The following IQSEC1 variants were observed in gnomAD, a reference collection of about 807,000 sequenced individuals.
IQSEC1 encodes the protein IQ motif and SEC7 domain-containing protein 1.
In IQSEC1, 31 loss-of-function variants were observed where a neutral mutation model predicts 91.0. The ratio of observed to expected loss-of-function variants is 0.34; its 90% CI spans 0.26 to 0.46. The LOEUF is 0.46. Ranked by LOEUF, IQSEC1 falls within the 20% of genes least tolerant of loss-of-function variation. IQSEC1 has a pLI of 1.00. For synonymous variants in IQSEC1, 699 were observed against 662.6 expected (o/e 1.05, Z -0.84); for missense variants, 1,388 against 1,575.6 (o/e 0.88, Z 2.02).
intron 1 of IQSEC1, among the ~76,000 whole-genome samples, chr3:13,210,848 G>T (rs531499017): frequency 6.6e-6 from 1 of 152,176 alleles, no homozygotes; most frequent in Non-Finnish European, 1.5e-5. Context: ...GTAAACAAAC[G>T]CCATCCACAT....
At chr3:13,192,509 G>T (rs916989985) in intron 1 of IQSEC1, among the ~76,000 whole-genome samples, 12 of 152,198 alleles carry the variant, frequency 7.9e-5, no homozygotes, top group African/African-American at 2.9e-4. Flanking sequence ...GATGCAGGAA[G>T]ACAGCCCTGC....
At chr3:12,988,715 C>T (rs1479631400) in intron 1 of IQSEC1, among the ~76,000 whole-genome samples, 1 of 152,210 alleles carries the variant, frequency 6.6e-6, no homozygotes, top group Non-Finnish European at 1.5e-5. Flanking sequence ...GGGCAATGCT[C>T]AGTCTCTTGA....
At position 13,116,744 on chromosome 3, in the gene IQSEC1, C is replaced by T. The variant is rs144495693; in HGVS notation, c.302+47360G>A. On this transcript the variant is annotated intron_variant, in intron 2 of 15. Transcript: ENST00000648114. ...GGTGAAACCGTCTCTACTAAAAATA[C>T]AAAAATTAGCCAGGTGGTAGTGGCA... is the stretch of plus-strand genomic sequence containing the variant. Among the ~76,000 whole-genome samples, 1,035 of 152,050 alleles carry T rather than the reference C, an allele frequency of 6.8e-3. 18 individuals carry two copies. The highest frequency in any genetic ancestry group is 0.024 in the African/African-American group (993 of 41,460).
chr3:13,175,704 G>C lies in IQSEC1; in HGVS notation c.273-11571C>G, dbSNP rs59437959. 1.4e-3 allele frequency among the ~76,000 whole-genome samples: 216 copies of C among 152,336 alleles called. 1 individual carries two copies. Among genetic ancestry groups the C allele is most frequent in the African/African-American group, 5.1e-3 (212 of 41,580 alleles). On this transcript the variant is annotated intron_variant, in intron 1 of 15. Coordinates refer to the IQSEC1 transcript ENST00000648114. ...TTATTCCTCGACGTTTGAGAGGCTG[G>C]GTAGTCCAAGATGAAGGCTCCCCTA...
chr3:13,115,133 T>G (rs1706314109), intron 2 of IQSEC1, among the ~76,000 whole-genome samples: 1 of 152,110 alleles, frequency 6.6e-6, no homozygotes, highest in East Asian at 1.9e-4. Flanking sequence ...CACAGATGGG[T>G]TGTGAGCTGA....
At position 12,922,210 on chromosome 3, in the gene IQSEC1, A is replaced by G. The variant is rs1286060196; in HGVS notation, c.1763T>C (p.Met588Thr). The change falls in exon 5 of 14, where the codon ATG becomes ACG. Residue 588 changes from methionine to threonine, a missense_variant. Met to Thr is a moderately conservative substitution (Grantham distance 81). Transcript: ENST00000613206. The surrounding 1 kb of genome is among the most constrained non-coding windows in gnomAD (Gnocchi z 5.1). The stretch of plus-strand genomic sequence containing the variant: ...TTTCCTGAGGGCCTCATCCAGCTCC[A>G]TGGTAGAGAAGTCCATCTCGTCCAC... Reference protein sequence around the residue: ...CVVDEMDFSTMELDEALRKFQ... With the variant: ...CVVDEMDFSTTELDEALRKFQ... 6.2e-7 allele frequency: 1 copy of G among 1,606,424 alleles called. No homozygotes were observed.
intron 1 of IQSEC1, among the ~76,000 whole-genome samples, chr3:12,961,746 T>C (rs922108141): frequency 6.6e-6 from 1 of 152,224 alleles, no homozygotes; most frequent in South Asian, 2.1e-4. Context: ...AAGGATGCCA[T>C]GTTTCTGGTG....
intron 1 of IQSEC1, among the ~76,000 whole-genome samples, chr3:12,951,348 G>A (rs913718161): frequency 1.3e-5 from 2 of 152,156 alleles, no homozygotes; most frequent in African/African-American, 4.8e-5. Context: ...GCTTAAACCC[G>A]GGAGGCGGAG....
At position 13,207,479 on chromosome 3, in the gene IQSEC1, C is replaced by T. The variant is rs1431004640; in HGVS notation, c.273-43346G>A. Among the ~76,000 whole-genome samples, 1 of 152,142 alleles carries T rather than the reference C, an allele frequency of 6.6e-6. No individual in the cohort carries two copies. The highest frequency in any genetic ancestry group is 1.9e-4 in the East Asian group (1 of 5,182). ...TTCTAACTCTCCCCATGACACAACCCGCCAGAGCACTCTGGCAATGTCACC... is the reference window on the plus strand; with the variant it reads ...TTCTAACTCTCCCCATGACACAACCTGCCAGAGCACTCTGGCAATGTCACC... On this transcript the variant is annotated intron_variant, in intron 1 of 15. Coordinates refer to the IQSEC1 transcript ENST00000648114. The surrounding 1 kb of genome is among the most constrained non-coding windows in gnomAD (Gnocchi z 4.8).
chr3:13,037,562 C>G (rs1704081564), intron 1 of IQSEC1, among the ~76,000 whole-genome samples: 1 of 152,070 alleles, frequency 6.6e-6, no homozygotes, highest in South Asian at 2.1e-4. Context: ...ATCTGCACAC[C>G]CATGTTCATA....
intron 1 of IQSEC1, among the ~76,000 whole-genome samples, chr3:13,179,823 T>C (rs1693805187): frequency 6.6e-6 from 1 of 152,204 alleles, no homozygotes; most frequent in South Asian, 2.1e-4. Flanking sequence ...CGGGTGGGCA[T>C]GGGCTCGGCG....
At chr3:13,157,015 T>C (rs541523492) in intron 2 of IQSEC1, among the ~76,000 whole-genome samples, 1 of 152,340 alleles carries the variant, frequency 6.6e-6, no homozygotes, top group African/African-American at 2.4e-5. Context: ...ATAAGGACAC[T>C]GAGGCTCAGG....
chr3:13,007,850 C>T (rs867743211), intron 1 of IQSEC1, among the ~76,000 whole-genome samples: 6 of 152,254 alleles, frequency 3.9e-5, no homozygotes, highest in South Asian at 2.1e-4. Context: ...GGGCCCCACC[C>T]GTACCCCGCC....
At chr3:13,151,118 TC>T (rs1383332122) in intron 2 of IQSEC1, among the ~76,000 whole-genome samples, 1 of 152,148 alleles carries the variant, frequency 6.6e-6, no homozygotes, top group Admixed American at 6.5e-5. Context: ...ACAAATCACT[TC>T]CCTTCCCACG....
chr3:13,042,752 A>G (rs1305515210), intron 1 of IQSEC1, among the ~76,000 whole-genome samples: 1 of 152,052 alleles, frequency 6.6e-6, no homozygotes, highest in Non-Finnish European at 1.5e-5. Flanking sequence ...GTGGCTCTGC[A>G]AGTCTGTTCT....
intron 1 of IQSEC1, among the ~76,000 whole-genome samples, chr3:13,014,612 G>A (rs1367715197): frequency 6.6e-6 from 1 of 152,188 alleles, no homozygotes; most frequent in Non-Finnish European, 1.5e-5. Flanking sequence ...CAGGGCTGGG[G>A]TGGGGGAGGC....
chr3:13,007,701 C>G (rs1296102447), intron 1 of IQSEC1, among the ~76,000 whole-genome samples: 9 of 152,264 alleles, frequency 5.9e-5, no homozygotes, highest in Admixed American at 5.9e-4. Context: ...TTCTTTGCTG[C>G]TGCTTGAAAG....
chr3:12,954,011 C>T (rs899208727), intron 1 of IQSEC1, among the ~76,000 whole-genome samples: 5 of 152,214 alleles, frequency 3.3e-5, no homozygotes, highest in Admixed American at 2.0e-4. Context: ...TTCTCATCAG[C>T]GCGTAGTCGG....
In IQSEC1 at chr3:12,899,575, AC is replaced by A. The variant is rs1694012486; in HGVS notation, c.*1407del. 3 of 1,478,264 alleles carry A rather than the reference AC, an allele frequency of 2.0e-6. No homozygotes were observed. In the Admixed American group the frequency reaches 7.1e-5, roughly 35 times the overall value. The allele number at this position is 1,478,264 out of a possible 1,614,324, so 91.6% of individuals were successfully genotyped here. On this transcript the variant is annotated 3_prime_UTR_variant, in exon 14 of 14. Transcript: ENST00000613206. Reference sequence around the variant, plus strand: ...ATGTGATGCCCTGGCAGCTCACTGGACCATGGGAAGGCAGCGGGGGCTCCGC... The same window carrying A: ...ATGTGATGCCCTGGCAGCTCACTGGACATGGGAAGGCAGCGGGGGCTCCGC...
Sources: gnomAD v4.1 joint callset for allele counts (sites outside exome capture counted in the v4.1 genomes callset) on GRCh38, gnomAD v4.1.1 for gene constraint, Gnocchi (gnomAD v3.1) non-coding constraint, MANE v1.5 for transcripts, NCBI Gene and HGNC (gene_info 2026-07-23, HGNC 2026-07-21) for gene names.